Variants in BTBD10 observed in about 807,000 individuals in gnomAD.
BTBD10 encodes the protein BTB domain containing 10, also known as BTB/POZ domain-containing protein 10.
BTBD10 carries 21 observed loss-of-function variants against 53.2 expected under a neutral mutation model. The observed-to-expected ratio is 0.39, with a 90% confidence interval of 0.28 to 0.57. The LOEUF (loss-of-function observed/expected upper bound fraction) is 0.57, where lower values mean the gene tolerates loss of function less well. Among genes scored for constraint, BTBD10 ranks in the 20% least tolerant of loss-of-function variants. The pLI, the probability that BTBD10 is intolerant of heterozygous loss-of-function variation, is 0.53. For missense variants in BTBD10, 360 were observed against 594.7 expected (o/e 0.61, Z 4.10); for synonymous variants, 149 against 192.7 (o/e 0.77, Z 1.88).
intron 8 of BTBD10, among the ~76,000 whole-genome samples, chr11:13,393,806 A>G (rs1047813990): frequency 6.6e-6 from 1 of 152,160 alleles, no homozygotes; most frequent in Non-Finnish European, 1.5e-5. Flanking sequence ...TAATATTTCA[A>G]AACCACTCAC....
At chr11:13,435,441 C>T (rs1055925943) in intron 2 of BTBD10, among the ~76,000 whole-genome samples, 1 of 152,078 alleles carries the variant, frequency 6.6e-6, no homozygotes, top group African/African-American at 2.4e-5. Flanking sequence ...AGTACAAATA[C>T]AAGACTCAGT....
At chr11:13,390,172 C>T (rs1476122817) in intron 8 of BTBD10, among the ~76,000 whole-genome samples, 1 of 152,158 alleles carries the variant, frequency 6.6e-6, no homozygotes, top group Non-Finnish European at 1.5e-5. Flanking sequence ...CCCCTTCCCT[C>T]CTTTCTTCTA....
At chr11:13,392,990 C>G (rs751118719) in intron 8 of BTBD10, among the ~76,000 whole-genome samples, 3 of 152,080 alleles carry the variant, frequency 2.0e-5, no homozygotes, top group African/African-American at 4.8e-5. Flanking sequence ...CTTAAGAACC[C>G]AACCCTAGGA....
At position 13,421,624 on chromosome 11, in the gene BTBD10, T is replaced by G. The variant is rs113386680; in HGVS notation, c.298+18A>C. The G allele has an allele frequency of 1.0e-5, 16 of 1,597,618 alleles. No individual in the cohort carries two copies. The African/African-American group carries it at 1.2e-4, about 12-fold the overall frequency. ...ATGTTTTTAAGAACTGTTAGGAAGGTTAGTTGATTTTACATACCAACATGG... is the reference window on the plus strand; with the variant it reads ...ATGTTTTTAAGAACTGTTAGGAAGGGTAGTTGATTTTACATACCAACATGG... On this transcript the variant is annotated intron_variant, in intron 3 of 8. Transcript: ENST00000278174.
At chr11:13,401,974 C>G (rs1354834893) in intron 8 of BTBD10, among the ~76,000 whole-genome samples, 1 of 152,178 alleles carries the variant, frequency 6.6e-6, no homozygotes. Flanking sequence ...CCGTCTAGAA[C>G]CATTTTTGTC....
chr11:13,446,090 G>A (rs1950745556), intron 1 of BTBD10, among the ~76,000 whole-genome samples: 1 of 152,090 alleles, frequency 6.6e-6, no homozygotes, highest in East Asian at 1.9e-4. Context: ...GTATTTGTTT[G>A]GAAATAGATG....
intron 8 of BTBD10, among the ~76,000 whole-genome samples, chr11:13,400,305 TAGCAATG>T (rs1316590464): frequency 1.3e-5 from 2 of 152,238 alleles, no homozygotes; most frequent in Admixed American, 1.3e-4. Context: ...ACTGCTGTGC[TAGCAATG>T]AGCAAGGCTC....
At chr11:13,460,022 T>C (rs987186052) in intron 1 of BTBD10, among the ~76,000 whole-genome samples, 1 of 152,232 alleles carries the variant, frequency 6.6e-6, no homozygotes, top group African/African-American at 2.4e-5. Context: ...AGTAGTCTTA[T>C]AACTCTTCAA....
At chr11:13,460,096 C>T (rs775578295) in intron 1 of BTBD10, among the ~76,000 whole-genome samples, 25 of 152,274 alleles carry the variant, frequency 1.6e-4, no homozygotes, top group Middle Eastern at 3.4e-3. Context: ...CAGAGAGAGG[C>T]AGAGATTGAA....
In BTBD10 at chr11:13,389,560, G is replaced by A. The variant is rs1035515497; in HGVS notation, c.1118-419C>T. On this transcript the variant is annotated intron_variant, in intron 8 of 8. Coordinates refer to ENST00000278174, the MANE Select transcript of BTBD10 (RefSeq NM_032320.7). ...CTCCCACCTCAGTCTCCAGAGTAGC[G>A]CGGATTACAGGCATGTGCCACCATG... Among the ~76,000 whole-genome samples, 26 of 151,968 alleles carry A rather than the reference G, an allele frequency of 1.7e-4. 1 individual carries two copies. Among genetic ancestry groups the A allele is most frequent in the South Asian group, 1.3e-3 (6 of 4,800 alleles).
At chr11:13,408,243 C>T (rs921165786) in intron 6 of BTBD10, among the ~76,000 whole-genome samples, 7 of 152,190 alleles carry the variant, frequency 4.6e-5, no homozygotes, top group Non-Finnish European at 8.8e-5. Context: ...TCATCATTAA[C>T]TCTCACCCAA....
chr11:13,446,319 T>C (rs533408466), intron 1 of BTBD10, among the ~76,000 whole-genome samples: 206 of 152,250 alleles, frequency 1.4e-3, no homozygotes, highest in Non-Finnish European at 2.3e-3. Context: ...TACTATACTT[T>C]CCTGAGTTTT....
chr11:13,416,132 G>C (rs1238338054), intron 5 of BTBD10, among the ~76,000 whole-genome samples: 1 of 151,826 alleles, frequency 6.6e-6, no homozygotes, highest in East Asian at 1.9e-4. Flanking sequence ...CAGGAGGACT[G>C]CTTGAGCTCA....
intron 5 of BTBD10, 51 bp downstream of exon 5, chr11:13,417,107 C>T: frequency 7.4e-7 from 1 of 1,350,442 alleles, no homozygotes; most frequent in Non-Finnish European, 1.0e-6. Context: ...AATCCAAGTA[C>T]CTCCAAGAAG....
chr11:13,396,949 T>C (rs1949567478), intron 8 of BTBD10, among the ~76,000 whole-genome samples: 1 of 152,226 alleles, frequency 6.6e-6, no homozygotes, highest in Non-Finnish European at 1.5e-5. Context: ...TTGCCAGAAT[T>C]TTATTGAGGA....
At chr11:13,420,306 T>C (rs1229373488) in intron 3 of BTBD10, among the ~76,000 whole-genome samples, 3 of 144,298 alleles carry the variant, frequency 2.1e-5, no homozygotes, top group South Asian at 2.2e-4. Context: ...TCACTAAGGG[T>C]AGTAAGAAGT....
At chr11:13,402,749 C>A (rs1339403506) in intron 8 of BTBD10, among the ~76,000 whole-genome samples, 1 of 152,092 alleles carries the variant, frequency 6.6e-6, no homozygotes. Context: ...CATAAGTAAG[C>A]TACTAGTAGT....
At chr11:13,456,657 G>T (rs1175780812) in intron 1 of BTBD10, among the ~76,000 whole-genome samples, 1 of 152,144 alleles carries the variant, frequency 6.6e-6, no homozygotes, top group Admixed American at 6.5e-5. Flanking sequence ...AAGAAGGAAA[G>T]AAAAAGACAA....
At chr11:13,445,789 G>A (rs925013663) in intron 1 of BTBD10, among the ~76,000 whole-genome samples, 2 of 152,052 alleles carry the variant, frequency 1.3e-5, no homozygotes, top group Non-Finnish European at 2.9e-5. Flanking sequence ...TCACATGTGA[G>A]GCTTGTAACT....
Sources: gnomAD v4.1 joint callset for allele counts (sites outside exome capture counted in the v4.1 genomes callset) on GRCh38, gnomAD v4.1.1 for gene constraint, MANE v1.5 for transcripts, NCBI Gene and HGNC (gene_info 2026-07-23, HGNC 2026-07-21) for gene names.